The following PTK7 variants were observed in gnomAD, a reference collection of about 807,000 sequenced individuals.
PTK7 encodes protein tyrosine kinase 7 (inactive).
A neutral mutation model predicts 116.6 loss-of-function variants in PTK7; 39 were observed. The observed-to-expected ratio is 0.33, with a 90% CI of 0.26 to 0.44. The LOEUF (loss-of-function observed/expected upper bound fraction) is 0.44, where lower values mean the gene tolerates loss of function less well. Ranked by LOEUF, PTK7 falls within the 20% of genes least tolerant of loss-of-function variation. PTK7 has a pLI of 1.00. For synonymous variants in PTK7, 546 were observed against 563.6 expected (o/e 0.97, Z 0.44); for missense variants, 1,169 against 1,425.6 (o/e 0.82, Z 2.90).
chr6:43,102,645 C>T (rs941766481), intron 1 of PTK7, among the ~76,000 whole-genome samples: 1 of 151,084 alleles, frequency 6.6e-6, no homozygotes, highest in Non-Finnish European at 1.5e-5. Flanking sequence ...AGGTGTCACA[C>T]AATTCTCTCA....
intron 1 of PTK7, among the ~76,000 whole-genome samples, chr6:43,106,034 A>G (rs1767870933): frequency 6.6e-6 from 1 of 151,932 alleles, no homozygotes; most frequent in Non-Finnish European, 1.5e-5. Flanking sequence ...TCTTCAGTCC[A>G]TTTCCTACCC....
intron 1 of PTK7, among the ~76,000 whole-genome samples, chr6:43,097,209 C>T (rs1301281298): frequency 6.6e-6 from 1 of 152,162 alleles, no homozygotes; most frequent in Non-Finnish European, 1.5e-5. Context: ...GGCAGGAAGG[C>T]CCCTGCATCT....
chr6:43,147,186 G>A (rs945237450), intron 17 of PTK7, among the ~76,000 whole-genome samples: 1 of 152,242 alleles, frequency 6.6e-6, no homozygotes, highest in East Asian at 1.9e-4. Context: ...TTTGCATCTT[G>A]TCCTCTCCCT....
At chr6:43,156,291 C>A (rs909145322) in intron 17 of PTK7, among the ~76,000 whole-genome samples, 2 of 142,446 alleles carry the variant, frequency 1.4e-5, no homozygotes, top group African/African-American at 5.2e-5. Flanking sequence ...GAAAAACAGA[C>A]CATGTCCAGT....
chr6:43,090,631 CT>C (rs1192838441), intron 1 of PTK7, among the ~76,000 whole-genome samples: 2 of 152,168 alleles, frequency 1.3e-5, no homozygotes, highest in African/African-American at 4.8e-5. Flanking sequence ...GCATTGCTGC[CT>C]CCTGCTCCCC....
Position 43,145,440 on chromosome 6 carries a change from G to A in PTK7, c.2640+8G>A, listed in dbSNP as rs1307384668. 6.5e-7 allele frequency: 1 copy of A among 1,543,366 alleles called. No homozygotes were observed. The highest frequency in any genetic ancestry group is 8.8e-7 in the Non-Finnish European group (1 of 1,137,278). On this transcript the variant is annotated splice_region_variant and intron_variant, in intron 16 of 19. Coordinates refer to ENST00000230419, the MANE Select transcript of PTK7 (RefSeq NM_002821.5). The surrounding 1 kb of genome is among the most constrained non-coding windows in gnomAD (Gnocchi z 4.8). ...CTGGAATATGTGGATCTGGTATGCT[G>A]TTGGCAGGGGACGTGGGGGTCTCGG...
chr6:43,102,048 G>T (rs1282318118), intron 1 of PTK7, among the ~76,000 whole-genome samples: 1 of 151,204 alleles, frequency 6.6e-6, no homozygotes, highest in Non-Finnish European at 1.5e-5. Context: ...AAAATACAGA[G>T]TGCCACTTGA....
chr6:43,138,019 G>T (rs1467214480), intron 7 of PTK7, among the ~76,000 whole-genome samples: 2 of 152,110 alleles, frequency 1.3e-5, no homozygotes, highest in East Asian at 3.9e-4. Context: ...ATGTTGGCCA[G>T]ACTGGTTTTG....
intron 1 of PTK7, among the ~76,000 whole-genome samples, chr6:43,080,970 CACA>C (rs1766346382): frequency 6.6e-6 from 1 of 151,736 alleles, no homozygotes; most frequent in Non-Finnish European, 1.5e-5. Context: ...CACACACACA[CACA>C]CACAGCCCTT....
At chr6:43,131,065 A>G (rs985886072) in intron 5 of PTK7, among the ~76,000 whole-genome samples, 12 of 146,822 alleles carry the variant, frequency 8.2e-5, no homozygotes, top group Admixed American at 2.0e-4. Flanking sequence ...ACACACACAC[A>G]CACACACACA....
At chr6:43,105,793 C>T (rs147634711) in intron 1 of PTK7, among the ~76,000 whole-genome samples, 164 of 152,280 alleles carry the variant, frequency 1.1e-3, no homozygotes, top group African/African-American at 3.8e-3. Context: ...AGGACAGAGG[C>T]GTGGAACAGA....
At chr6:43,150,816 TCC>T (rs60761462) in intron 17 of PTK7, among the ~76,000 whole-genome samples, 3 of 68,560 alleles carry the variant, frequency 4.4e-5, no homozygotes, top group East Asian at 2.5e-4. Context: ...TTTTTTTTTT[TCC>T]CGAGACAGAG....
At chr6:43,125,978 A>G (rs889796726) in intron 1 of PTK7, among the ~76,000 whole-genome samples, 2 of 152,130 alleles carry the variant, frequency 1.3e-5, no homozygotes. Context: ...AAGGCAGGTG[A>G]TCTCTCTTTG....
At chr6:43,136,174 CA>C (rs113916650) in intron 7 of PTK7, among the ~76,000 whole-genome samples, 15,484 of 141,706 alleles carry the variant, frequency 0.11, 877 homozygotes, top group African/African-American at 0.14. Flanking sequence ...ATAAAAAATA[CA>C]AAAAAAAAAA....
At chr6:43,144,652 C>G in intron 15 of PTK7, 46 bp downstream of exon 15, 1 of 1,568,086 alleles carries the variant, frequency 6.4e-7, no homozygotes, top group Non-Finnish European at 8.7e-7. Flanking sequence ...TACAAGTCAC[C>G]CGCTGTGTCT....
At chr6:43,146,834 A>G (rs1000078234) in intron 17 of PTK7, 136 bp downstream of exon 17, 50 of 732,176 alleles carry the variant, frequency 6.8e-5, no homozygotes, top group Non-Finnish European at 1.1e-4. Flanking sequence ...TGTAATTATC[A>G]CGGTAGTCGT....
chr6:43,080,291 G>T (rs186036876), intron 1 of PTK7, among the ~76,000 whole-genome samples: 2 of 152,076 alleles, frequency 1.3e-5, no homozygotes, highest in African/African-American at 2.4e-5. Context: ...GGCAGAGCTT[G>T]CAGTGAGCCG....
In PTK7 at chr6:43,139,622, A is replaced by G; in HGVS notation, c.1618+97A>G. 5.2e-6 allele frequency: 8 copies of G among 1,542,438 alleles called. No homozygotes were observed. Among genetic ancestry groups the G allele is most frequent in the Non-Finnish European group, 7.0e-6 (8 of 1,143,356 alleles). Reference sequence around the variant, plus strand: ...TGGGTGCCCCGCACTGTGCCAGGAAATGTGGAGATTAGACAAGCAGTGCAG... The same window carrying G: ...TGGGTGCCCCGCACTGTGCCAGGAAGTGTGGAGATTAGACAAGCAGTGCAG... On this transcript the variant is annotated intron_variant, in intron 10 of 19. Transcript: ENST00000230419. This position sits in a 1 kb window ranked among gnomAD's most constrained non-coding sequence, Gnocchi z 4.6.
chr6:43,127,273 G>A (rs1008521577), intron 1 of PTK7, among the ~76,000 whole-genome samples: 3 of 152,192 alleles, frequency 2.0e-5, no homozygotes, highest in Non-Finnish European at 4.4e-5. Flanking sequence ...CGGGGGCGGG[G>A]GGATCAGGGA....
Sources: gnomAD v4.1 joint callset for allele counts (sites outside exome capture counted in the v4.1 genomes callset) on GRCh38, gnomAD v4.1.1 for gene constraint, Gnocchi (gnomAD v3.1) non-coding constraint, MANE v1.5 for transcripts, NCBI Gene and HGNC (gene_info 2026-07-23, HGNC 2026-07-21) for gene names.